NBEAL2: variants seen among roughly 807,000 people sequenced by gnomAD.
NBEAL2 encodes neurobeachin-like protein 2.
NBEAL2 carries 160 observed loss-of-function variants against 299.8 expected under a neutral mutation model. The ratio of observed to expected loss-of-function variants is 0.53; its 90% CI spans 0.47 to 0.61. The LOEUF (loss-of-function observed/expected upper bound fraction) is 0.61, where lower values mean the gene tolerates loss of function less well. Ranked by LOEUF, NBEAL2 falls within the 20% of genes least tolerant of loss-of-function variation. NBEAL2 has a pLI of 0.00. For missense variants in NBEAL2, 3,112 were observed against 3,649.0 expected (o/e 0.85, Z 3.79); for synonymous variants, 1,493 against 1,542.3 (o/e 0.97, Z 0.75).
At chr3:47,008,876 A>T in intron 52 of NBEAL2, 113 bp from the exon 53 acceptor site, 1 of 1,510,314 alleles carries the variant, frequency 6.6e-7, no homozygotes, top group Non-Finnish European at 9.0e-7. Flanking sequence ...TAAGAATTTC[A>T]ATTTAACCAT....
At chr3:46,983,403 G>A (rs908211165) in intron 1 of NBEAL2, among the ~76,000 whole-genome samples, 1 of 149,472 alleles carries the variant, frequency 6.7e-6, no homozygotes, top group Non-Finnish European at 1.5e-5. Context: ...TCTGCCTCCC[G>A]GGTTCAAGCA....
chr3:46,998,382 C>T, intron 21 of NBEAL2, 81 bp from the exon 22 acceptor site: 2 of 1,523,380 alleles, frequency 1.3e-6, no homozygotes, highest in East Asian at 4.8e-5. Flanking sequence ...GGAAGTCTGA[C>T]AGGCACATGG....
rs373503829 is a variant in NBEAL2, at chr3:47,001,132, G to A, written c.4437G>A (p.Leu1479=). ...RGQVFSVLTQ[L]GASATLVRPP... ...AGGTTTTCTCAGTGCTCACCCAGCT[G>A]GGGGCCTCAGCCACACTTGTGCGCC... Residue 1479 remains leucine, a synonymous_variant, in exon 28 of 54, where the codon CTG becomes CTA. Transcript: ENST00000450053. This position sits in a 1 kb window ranked among gnomAD's most constrained non-coding sequence, Gnocchi z 6.1. 1 of 1,612,428 alleles carries A rather than the reference G, an allele frequency of 6.2e-7. No individual in the cohort carries two copies. The highest frequency in any genetic ancestry group is 1.3e-5 in the African/African-American group (1 of 74,914).
At chr3:47,006,593 G>A in intron 45 of NBEAL2, 144 bp downstream of exon 45, 1 of 823,376 alleles carries the variant, frequency 1.2e-6, no homozygotes, top group Non-Finnish European at 2.0e-6. Flanking sequence ...AACATGGGAA[G>A]AGTATGGGGG....
rs777687752 is a variant in NBEAL2 at position 46,998,809 on chromosome 3, T to G, written c.3314T>G (p.Leu1105Arg). 4.5e-6 allele frequency: 7 copies of G among 1,568,292 alleles called. No homozygotes were observed. ...GCGAGGGAGTTCCTGGTGCGGAGTC[T>G]CTCAGCAGATGACGTGCAGGTCACG... The part of the protein sequence containing the change: ...GLAREFLVRS[L>R]SADDVQVTQT... Residue 1105 changes from leucine to arginine, a missense_variant, in exon 23 of 54, where the codon CTC becomes CGC. Leu to Arg is a moderately radical substitution (Grantham distance 102). This residue lies in a region of NBEAL2 where 2,243 missense variants were observed against 2,538.1 expected (regional missense o/e 0.88). Transcript: ENST00000450053.
chr3:46,994,783 G>A (rs1229303882), intron 12 of NBEAL2, among the ~76,000 whole-genome samples: 1 of 152,210 alleles, frequency 6.6e-6, no homozygotes, highest in East Asian at 1.9e-4. Flanking sequence ...TTAGGAACAT[G>A]CAGTTAGGGG....
rs1390537591 is a variant in NBEAL2, at chr3:46,997,572, G to A, written c.2836G>A (p.Glu946Lys). 1 of 1,597,572 alleles carries A rather than the reference G, an allele frequency of 6.3e-7. No individual in the cohort carries two copies. The highest frequency in any genetic ancestry group is 1.1e-5 in the South Asian group (1 of 89,960). ...PLGKSSEERMERNAVAAFLLM... is the reference protein window; with the variant it reads ...PLGKSSEERMKRNAVAAFLLM... ...CTGATGGCTGGCAGAGGAACGGATG[G>A]AGAGGAACGCAGTGGCTGCTTTTCT... The change falls in exon 20 of 54, where the codon GAG (glutamate) becomes AAG (lysine). Residue 946 changes from glutamate (E) to lysine (K), a missense_variant. Around this residue, in one of 3 missense-constraint regions of NBEAL2, gnomAD observed 2,243 missense variants for 2,538.1 expected, o/e 0.88. Transcript: ENST00000450053.
chr3:46,989,631 C>A lies in NBEAL2; in HGVS notation c.556+38C>A. The A allele has an allele frequency of 6.6e-7, 1 of 1,519,876 alleles. No homozygotes were observed. The highest frequency in any genetic ancestry group is 8.9e-7 in the Non-Finnish European group (1 of 1,117,516). 94.1% of individuals were successfully genotyped at this position (1,519,876 alleles called of 1,614,324 possible). A position where few individuals can be genotyped will look rare whatever the true frequency, so the allele number is the denominator to read the frequency against. On this transcript the variant is annotated intron_variant, in intron 6 of 53. Transcript: ENST00000450053. The surrounding 1 kb of genome is among the most constrained non-coding windows in gnomAD (Gnocchi z 5.5). ...CCCTGCCCCCACTTGGCTCCACCCC[C>A]AAACCTAGGCCCCTTCCTGTCGTTC...
chr3:47,006,983 AAAGG>A, intron 45 of NBEAL2, 79 bp from the exon 46 acceptor site: 1 of 1,169,462 alleles, frequency 8.6e-7, no homozygotes, highest in South Asian at 1.5e-5. Flanking sequence ...GACTGACAGT[AAAGG>A]AAGGGATGAT....
chr3:46,996,653 G>T, intron 16 of NBEAL2, 61 bp downstream of exon 16: 1 of 1,523,084 alleles, frequency 6.6e-7, no homozygotes, highest in African/African-American at 1.4e-5. Flanking sequence ...TCCGGGGGGA[G>T]AAGGCATCTC....
rs1218443804 is a variant in NBEAL2 at position 47,000,074 on chromosome 3, T to C, written c.3975T>C (p.Pro1325=). ...CACCCAAGCCACCCACTGAGTCACC[T>C]GCTGAGCCTTCAGATGTCTTCCTGC... is the stretch of plus-strand genomic sequence containing the variant. ...PAPPKPPTES[P]AEPSDVFLPS... The change falls in exon 27 of 54, where the codon CCT becomes CCC. Residue 1325 remains proline, a synonymous_variant. Transcript: ENST00000450053. The surrounding 1 kb of genome is among the most constrained non-coding windows in gnomAD (Gnocchi z 4.5). The C allele has an allele frequency of 1.9e-6, 3 of 1,612,250 alleles. No individual in the cohort carries two copies. The Admixed American group carries it at 5.0e-5, about 27-fold the overall frequency.
chr3:47,002,881 C>T (rs2037135568), intron 33 of NBEAL2, 76 bp from the exon 34 acceptor site: 22 of 1,580,662 alleles, frequency 1.4e-5, no homozygotes, highest in Non-Finnish European at 1.7e-5. Flanking sequence ...CCCAGACTGC[C>T]TTTGGGGTGA....
In NBEAL2 at chr3:46,998,157, T is replaced by C; in HGVS notation, c.3049T>C (p.Tyr1017His). The change falls in exon 21 of 54, where the codon TAC becomes CAC. Residue 1017 changes from tyrosine to histidine, a missense_variant. By Grantham distance (83) the Tyr-to-His change is moderately conservative. Around this residue, in one of 3 missense-constraint regions of NBEAL2, gnomAD observed 2,243 missense variants for 2,538.1 expected, o/e 0.88. Coordinates refer to ENST00000450053, the MANE Select transcript of NBEAL2 (RefSeq NM_015175.3). ...AGCTGAGGGCAGCGGGCCCCTCCTG[T>C]ACCTACTCTACCAGCATTTGCTCTT... Reference protein sequence around the residue: ...VAAEGSGPLLYLLYQHLLFNF... With the variant: ...VAAEGSGPLLHLLYQHLLFNF... The C allele has an allele frequency of 6.2e-7, 1 of 1,605,908 alleles. No individual in the cohort carries two copies. Among genetic ancestry groups the C allele is most frequent in the Non-Finnish European group, 8.5e-7 (1 of 1,176,302 alleles).
Position 47,000,899 on chromosome 3 carries a change from C to T in NBEAL2, c.4306-102C>T. The T allele has an allele frequency of 6.7e-7, 1 of 1,487,510 alleles. No homozygotes were observed. The highest frequency in any genetic ancestry group is 2.5e-5 in the East Asian group (1 of 40,356). The allele number at this position is 1,487,510 out of a possible 1,614,324, so 92.1% of individuals were successfully genotyped here. On this transcript the variant is annotated intron_variant, in intron 27 of 53. Transcript: ENST00000450053. This position sits in a 1 kb window ranked among gnomAD's most constrained non-coding sequence, Gnocchi z 4.5. ...GCCAAATGCTCTGACTCCTGGGTGG[C>T]TACCCCAGGAGGGGTGCTGAGTGGG...
In NBEAL2 at chr3:47,007,540, G is replaced by A. The variant is rs2037543637; in HGVS notation, c.7350G>A (p.Leu2450=). ...ACTGGGTCAGGACGCAGCGACTGCT[G>A]AGTGGCCCGTGGGTGCCAGGCAGTG... ...TMGSHKTQRL[L]SGPWVPGSGV... The change falls in exon 48 of 54, where the codon CTG becomes CTA. Residue 2450 remains leucine, a synonymous_variant. Coordinates refer to ENST00000450053, the MANE Select transcript of NBEAL2 (RefSeq NM_015175.3). 4.3e-6 allele frequency: 7 copies of A among 1,612,110 alleles called. No individual in the cohort carries two copies. In the Admixed American group the frequency reaches 1.2e-4, roughly 27 times the overall value.
chr3:46,997,124 C>A, intron 18 of NBEAL2, 78 bp downstream of exon 18: 1 of 1,550,192 alleles, frequency 6.5e-7, no homozygotes, highest in Non-Finnish European at 8.8e-7. Context: ...AGCTGGGGAG[C>A]AGCGCTGTGC....
rs1020745745 is a variant in NBEAL2, at chr3:46,982,330, G to C, written c.51+2418G>C. Among the ~76,000 whole-genome samples the C allele has an allele frequency of 6.6e-6, 1 of 152,208 alleles. No individual in the cohort carries two copies. Among genetic ancestry groups the C allele is most frequent in the African/African-American group, 2.4e-5 (1 of 41,446 alleles). ...CCTTCAGCAGTGAGAGCTGACATCA[G>C]CTGGCAAACCTGTTTCCCCAGTTGT... On this transcript the variant is annotated intron_variant, in intron 1 of 53. Coordinates refer to ENST00000450053, the MANE Select transcript of NBEAL2 (RefSeq NM_015175.3). The surrounding 1 kb of genome is among the most constrained non-coding windows in gnomAD (Gnocchi z 4.2).
In NBEAL2 at chr3:46,979,861, C is replaced by T. The variant is rs1214416565; in HGVS notation, c.-1C>T. 4 of 468,478 alleles carry T rather than the reference C, an allele frequency of 8.5e-6. No individual in the cohort carries two copies. The South Asian group carries it at 1.5e-4, about 17-fold the overall frequency. The allele number at this position is 468,478 out of a possible 1,614,324, so 29.0% of individuals were successfully genotyped here. A position where few individuals can be genotyped will look rare whatever the true frequency, so the allele number is the denominator to read the frequency against. ...CAGCAGGGCCGGAGCCGGGCCGGGC[C>T]ATGGCCGCCTCGGAGCGGCTGTACG... On this transcript the variant is annotated 5_prime_UTR_variant, in exon 1 of 54. Coordinates refer to ENST00000450053, the MANE Select transcript of NBEAL2 (RefSeq NM_015175.3).
chr3:46,997,138 G>A, intron 18 of NBEAL2, 92 bp downstream of exon 18: 1 of 1,553,028 alleles, frequency 6.4e-7, no homozygotes, highest in East Asian at 2.3e-5. Flanking sequence ...GCTGTGCCTG[G>A]GGAGGATTTG....
Sources: allele counts gnomAD v4.1 joint callset (sites outside exome capture counted in the v4.1 genomes callset), GRCh38; gene constraint gnomAD v4.1.1; regional missense constraint gnomAD v4.1.1; non-coding constraint Gnocchi (gnomAD v3.1); transcripts MANE v1.5; gene names NCBI Gene and HGNC (gene_info 2026-07-23, HGNC 2026-07-21).